ASB13: variants seen among roughly 807,000 people sequenced by gnomAD.
ASB13 encodes ankyrin repeat and SOCS box containing 13.
In ASB13, 33 loss-of-function variants were observed where a neutral mutation model predicts 28.8. The ratio of observed to expected loss-of-function variants is 1.15; its 90% confidence interval spans 0.87 to 1.53. The LOEUF (loss-of-function observed/expected upper bound fraction) is 1.53, where lower values mean the gene tolerates loss of function less well. Ranked by LOEUF, ASB13 falls within the 40% of genes most tolerant of loss-of-function variation. The pLI is 0.00. For missense variants in ASB13, 414 were observed against 390.1 expected (o/e 1.06, Z -0.52); for synonymous variants, 182 against 172.9 (o/e 1.05, Z -0.41).
chr10:5,649,519 G>A lies in ASB13; in HGVS notation c.383-415C>T, dbSNP rs1366381445. Among the ~76,000 whole-genome samples, 5 of 150,354 alleles carry A rather than the reference G, an allele frequency of 3.3e-5. No homozygotes were observed. The highest frequency in any genetic ancestry group is 4.4e-5 in the Non-Finnish European group (3 of 67,612). The stretch of plus-strand genomic sequence containing the variant: ...CATCCTCCTGTGCACCACGGCAGCC[G>A]CCTCTCCTGCCTCTTTTTTTTTTTT... On this transcript the variant is annotated intron_variant, in intron 3 of 5. Coordinates refer to ENST00000357700, the MANE Select transcript of ASB13 (RefSeq NM_024701.4). This position sits in a 1 kb window ranked among gnomAD's most constrained non-coding sequence, Gnocchi z 6.4.
Position 5,653,049 on chromosome 10 carries a change from AC to A in ASB13, c.44del (p.Gly15ValfsTer24). Reference protein sequence around the residue: ...AADGCFLGDVGFWVERTPVHE... With the variant: ...AADGCFLGDVXFWVERTPVHE... ...GCACAGGGGTCCGCTCCACCCAGAA[AC>A]CTGGAAAGGAAGGGGACCTCAGGCT... is the stretch of plus-strand genomic sequence containing the variant. On this transcript the variant is annotated frameshift_variant and splice_region_variant, in exon 2 of 6. Transcript: ENST00000357700. LOFTEE classifies it high-confidence loss of function. 1 of 1,539,836 alleles carries A rather than the reference AC, an allele frequency of 6.5e-7. No individual in the cohort carries two copies. Among genetic ancestry groups the A allele is most frequent in the Non-Finnish European group, 8.8e-7 (1 of 1,139,594 alleles).
rs1365682635 is a variant in ASB13 at position 5,661,395 on chromosome 10, AC to A, written c.43+5113del. Among the ~76,000 whole-genome samples the A allele has an allele frequency of 1.3e-5, 2 of 152,288 alleles. No homozygotes were observed. The highest frequency in any genetic ancestry group is 4.8e-5 in the African/African-American group (2 of 41,480). ...CCAACAAAGAGCATTCTCAAATGCC[AC>A]CAGGGACACCTTCCAGACAAAGCTG... On this transcript the variant is annotated intron_variant, in intron 1 of 5. Coordinates refer to ENST00000357700, the MANE Select transcript of ASB13 (RefSeq NM_024701.4). This position sits in a 1 kb window ranked among gnomAD's most constrained non-coding sequence, Gnocchi z 4.9.
rs1316970514 is a variant in ASB13, at chr10:5,663,981, A to G, written c.43+2528T>C. Among the ~76,000 whole-genome samples the G allele has an allele frequency of 3.3e-5, 5 of 152,164 alleles. No individual in the cohort carries two copies. The highest frequency in any genetic ancestry group is 7.4e-5 in the Non-Finnish European group (5 of 68,024). ...TCAGCAAAGATCTCACTCAACTGAG[A>G]GTACCTGGATGGGGAGACATAAATC... On this transcript the variant is annotated intron_variant, in intron 1 of 5. Coordinates refer to ENST00000357700, the MANE Select transcript of ASB13 (RefSeq NM_024701.4). The surrounding 1 kb of genome is among the most constrained non-coding windows in gnomAD (Gnocchi z 4.9).
Position 5,644,589 on chromosome 10 carries a change from G to A in ASB13, c.518-2628C>T, listed in dbSNP as rs573680896. Among the ~76,000 whole-genome samples, 8 of 152,216 alleles carry A rather than the reference G, an allele frequency of 5.3e-5. No homozygotes were observed. In the South Asian group the frequency reaches 8.3e-4, roughly 16 times the overall value. On this transcript the variant is annotated intron_variant, in intron 4 of 5. Transcript: ENST00000357700. This position sits in a 1 kb window ranked among gnomAD's most constrained non-coding sequence, Gnocchi z 5.1. The stretch of plus-strand genomic sequence containing the variant: ...TCCCAGCACTTTGAGAGCCTGAGGC[G>A]GGCAGATCACCTGAGGTCAGGAGTT...
At position 5,659,304 on chromosome 10, in the gene ASB13, C is replaced by A. The variant is rs1284076049; in HGVS notation, c.44-6254G>T. Reference sequence around the variant, plus strand: ...GCCCCTAAATCCCACCCACTGCTGCCACATAATAGGTTGCCCCCTCCCTAA... The same window carrying A: ...GCCCCTAAATCCCACCCACTGCTGCAACATAATAGGTTGCCCCCTCCCTAA... On this transcript the variant is annotated intron_variant, in intron 1 of 5. Transcript: ENST00000357700. This position sits in a 1 kb window ranked among gnomAD's most constrained non-coding sequence, Gnocchi z 5.8. 6.6e-6 allele frequency among the ~76,000 whole-genome samples: 1 copy of A among 152,178 alleles called. No homozygotes were observed. The highest frequency in any genetic ancestry group is 1.9e-4 in the East Asian group (1 of 5,184).
chr10:5,661,754 C>T lies in ASB13; in HGVS notation c.43+4755G>A, dbSNP rs1673495721. Among the ~76,000 whole-genome samples the T allele has an allele frequency of 6.6e-6, 1 of 152,174 alleles. No homozygotes were observed. Among genetic ancestry groups the T allele is most frequent in the African/African-American group, 2.4e-5 (1 of 41,432 alleles). Reference sequence around the variant, plus strand: ...GTTCAAGTGATCCTCCCGCCTTGGCCTCCCTAAGTGCTGGGATTACAGGCA... The same window carrying T: ...GTTCAAGTGATCCTCCCGCCTTGGCTTCCCTAAGTGCTGGGATTACAGGCA... On this transcript the variant is annotated intron_variant, in intron 1 of 5. Transcript: ENST00000357700. This position sits in a 1 kb window ranked among gnomAD's most constrained non-coding sequence, Gnocchi z 4.9.
chr10:5,652,887 C>G lies in ASB13; in HGVS notation c.207G>C (p.Gln69His), dbSNP rs1386516814. Residue 69 changes from glutamine to histidine, a missense_variant, in exon 2 of 6, where the codon CAG becomes CAC. Transcript: ENST00000357700. This position sits in a 1 kb window ranked among gnomAD's most constrained non-coding sequence, Gnocchi z 5.0. ...ASLQGQARCV[Q>H]LLLAAGAQVD... ...CCTGGGCCCCAGCCGCCAGCAGCAG[C>G]TGCACACACCGCGCCTGGCCCTGCA... 1.3e-6 allele frequency: 2 copies of G among 1,571,420 alleles called. No individual in the cohort carries two copies. Among genetic ancestry groups the G allele is most frequent in the Non-Finnish European group, 1.7e-6 (2 of 1,158,782 alleles).
In ASB13 at chr10:5,651,442, C is replaced by A. The variant is rs1834983396; in HGVS notation, c.232-79G>T. 3 of 1,432,994 alleles carry A rather than the reference C, an allele frequency of 2.1e-6. No individual in the cohort carries two copies. The highest frequency in any genetic ancestry group is 1.4e-5 in the African/African-American group (1 of 70,236). The allele number at this position is 1,432,994 out of a possible 1,614,324, so 88.8% of individuals were successfully genotyped here. ...CTTTCCCATCCTGCTGCAGGTTCAT[C>A]TTTGCTAAGATGCTTCTTAGAAGCA... On this transcript the variant is annotated intron_variant, in intron 2 of 5. Coordinates refer to ENST00000357700, the MANE Select transcript of ASB13 (RefSeq NM_024701.4). This position sits in a 1 kb window ranked among gnomAD's most constrained non-coding sequence, Gnocchi z 5.1.
In ASB13 at chr10:5,662,565, G is replaced by GAGAA. The variant is rs1835187755; in HGVS notation, c.43+3943_43+3944insTTCT. On this transcript the variant is annotated intron_variant, in intron 1 of 5. Transcript: ENST00000357700. ...GGAGGGGAGGGGAGGGGAGGGGAGG[G>GAGAA]GAGAAGAGAAGAGAAGAGAAGAGAA... is the stretch of plus-strand genomic sequence containing the variant. 4.8e-4 allele frequency among the ~76,000 whole-genome samples: 7 copies of GAGAA among 14,586 alleles called. 2 individuals carry two copies. The highest frequency in any genetic ancestry group is 1.5e-3 in the African/African-American group (4 of 2,612). 9.6% of individuals were successfully genotyped at this position (14,586 alleles called of 152,430 possible).
chr10:5,653,168 G>A (rs1227564458), intron 1 of ASB13, 118 bp from the exon 2 acceptor site: 1 of 1,077,720 alleles, frequency 9.3e-7, no homozygotes, highest in Admixed American at 2.8e-5. Flanking sequence ...TCATGCAATT[G>A]TCCCAGCACT....
At position 5,663,476 on chromosome 10, in the gene ASB13, G is replaced by A. The variant is rs1237616749; in HGVS notation, c.43+3033C>T. On this transcript the variant is annotated intron_variant, in intron 1 of 5. Coordinates refer to ENST00000357700, the MANE Select transcript of ASB13 (RefSeq NM_024701.4). This position sits in a 1 kb window ranked among gnomAD's most constrained non-coding sequence, Gnocchi z 4.9. ...AAAGGCTATGGCCCAGGGAGCATGG[G>A]GAGGGTCCCCCAGTCCCACCCTCAA... is the stretch of plus-strand genomic sequence containing the variant. Among the ~76,000 whole-genome samples, 1 of 152,152 alleles carries A rather than the reference G, an allele frequency of 6.6e-6. No homozygotes were observed. Among genetic ancestry groups the A allele is most frequent in the African/African-American group, 2.4e-5 (1 of 41,460 alleles).
rs11256695 is a variant in ASB13 at position 5,645,080 on chromosome 10, A to G, written c.518-3119T>C. Among the ~76,000 whole-genome samples, 5,730 of 152,132 alleles carry G rather than the reference A, an allele frequency of 0.038. 134 individuals carry two copies. The highest frequency in any genetic ancestry group is 0.046 in the Non-Finnish European group (3,128 of 67,988). ...GGGGTCAACACAGGCTCATTACCAA[A>G]ATCCTGCTTTCAACACAAAATAGGA... is the stretch of plus-strand genomic sequence containing the variant. On this transcript the variant is annotated intron_variant, in intron 4 of 5. Coordinates refer to ENST00000357700, the MANE Select transcript of ASB13 (RefSeq NM_024701.4). The surrounding 1 kb of genome is among the most constrained non-coding windows in gnomAD (Gnocchi z 5.4).
Position 5,651,983 on chromosome 10 carries a change from CAGAG to C in ASB13, c.232-624_232-621del, listed in dbSNP as rs1291002067. The stretch of plus-strand genomic sequence containing the variant: ...CGCCACTGCATTCCAGCCTAGGCGA[CAGAG>C]AAAGACCTTATCTCAAAAAAAAAAA... On this transcript the variant is annotated intron_variant, in intron 2 of 5. Coordinates refer to ENST00000357700, the MANE Select transcript of ASB13 (RefSeq NM_024701.4). This position sits in a 1 kb window ranked among gnomAD's most constrained non-coding sequence, Gnocchi z 5.1. Among the ~76,000 whole-genome samples the C allele has an allele frequency of 8.3e-6, 1 of 120,112 alleles. No homozygotes were observed. The highest frequency in any genetic ancestry group is 1.6e-5 in the Non-Finnish European group (1 of 61,284). 78.8% of individuals were successfully genotyped at this position (120,112 alleles called of 152,430 possible).
rs542793205 is a variant in ASB13, at chr10:5,656,828, T to A, written c.44-3778A>T. Among the ~76,000 whole-genome samples the A allele has an allele frequency of 3.9e-5, 6 of 152,336 alleles. No homozygotes were observed. In the South Asian group the frequency reaches 1.2e-3, roughly 32 times the overall value. ...ACTGGTGCCCAGATGTCACTGGTCC[T>A]TGGTTACCTCTTGATCCCAACAGCC... On this transcript the variant is annotated intron_variant, in intron 1 of 5. Transcript: ENST00000357700. The surrounding 1 kb of genome is among the most constrained non-coding windows in gnomAD (Gnocchi z 4.3).
rs1835053624 is a variant in ASB13, at chr10:5,655,248, T to C, written c.44-2198A>G. Reference sequence around the variant, plus strand: ...TGGGCACTGAGTACAGGGTTAAGAGTTCCCTGGAGCCACAACTGCTCAGAA... The same window carrying C: ...TGGGCACTGAGTACAGGGTTAAGAGCTCCCTGGAGCCACAACTGCTCAGAA... On this transcript the variant is annotated intron_variant, in intron 1 of 5. Coordinates refer to ENST00000357700, the MANE Select transcript of ASB13 (RefSeq NM_024701.4). The surrounding 1 kb of genome is among the most constrained non-coding windows in gnomAD (Gnocchi z 6.2). Among the ~76,000 whole-genome samples, 1 of 152,010 alleles carries C rather than the reference T, an allele frequency of 6.6e-6. No homozygotes were observed.
Position 5,641,687 on chromosome 10 carries a change from G to GCGGAAGCC in ASB13, c.709+75_709+82dup. 1 of 1,425,064 alleles carries GCGGAAGCC rather than the reference G, an allele frequency of 7.0e-7. No individual in the cohort carries two copies. The highest frequency in any genetic ancestry group is 9.5e-7 in the Non-Finnish European group (1 of 1,054,856). 88.3% of individuals were successfully genotyped at this position (1,425,064 alleles called of 1,614,324 possible). ...GCCAGGACTAACAGCCCAGCTCTCC[G>GCGGAAGCC]CGGAAGCCCACAGGGAGCCGGCACG... On this transcript the variant is annotated intron_variant, in intron 5 of 5. Transcript: ENST00000357700. The surrounding 1 kb of genome is among the most constrained non-coding windows in gnomAD (Gnocchi z 8.4).
rs765155200 is a variant in ASB13 at position 5,651,315 on chromosome 10, C to T, written c.280G>A (p.Ala94Thr). Residue 94 changes from alanine to threonine, a missense_variant, in exon 3 of 6, where the codon GCC becomes ACC. Ala to Thr is a moderately conservative substitution (Grantham distance 58). Coordinates refer to ENST00000357700, the MANE Select transcript of ASB13 (RefSeq NM_024701.4). This position sits in a 1 kb window ranked among gnomAD's most constrained non-coding sequence, Gnocchi z 5.1. ...DGSTPLCDAC[A>T]SGSIECVKLL... ...TTCACACACTCGATGCTGCCCGAGG[C>T]GCAGGCATCGCAGAGCGGGGTGCTG... 61 of 1,613,550 alleles carry T rather than the reference C, an allele frequency of 3.8e-5. No homozygotes were observed. The highest frequency in any genetic ancestry group is 5.5e-5 in the South Asian group (5 of 91,022).
At position 5,651,116 on chromosome 10, in the gene ASB13, T is replaced by A; in HGVS notation, c.382+97A>T. The stretch of plus-strand genomic sequence containing the variant: ...CCTTCACCAGCCAAGGGCTCCCAAT[T>A]CTGTCTACTCTGCTTCCTTCCCTAA... On this transcript the variant is annotated intron_variant, in intron 3 of 5. Coordinates refer to ENST00000357700, the MANE Select transcript of ASB13 (RefSeq NM_024701.4). The surrounding 1 kb of genome is among the most constrained non-coding windows in gnomAD (Gnocchi z 5.1). The A allele has an allele frequency of 6.9e-7, 1 of 1,438,894 alleles. No individual in the cohort carries two copies. Among genetic ancestry groups the A allele is most frequent in the African/African-American group, 1.4e-5 (1 of 69,432 alleles). 89.1% of individuals were successfully genotyped at this position (1,438,894 alleles called of 1,614,324 possible). A position where few individuals can be genotyped will look rare whatever the true frequency, so the allele number is the denominator to read the frequency against.
chr10:5,655,298 C>A lies in ASB13; in HGVS notation c.44-2248G>T, dbSNP rs1342308215. Among the ~76,000 whole-genome samples the A allele has an allele frequency of 6.6e-6, 1 of 152,114 alleles. No homozygotes were observed. The highest frequency in any genetic ancestry group is 2.4e-5 in the African/African-American group (1 of 41,406). On this transcript the variant is annotated intron_variant, in intron 1 of 5. Transcript: ENST00000357700. This position sits in a 1 kb window ranked among gnomAD's most constrained non-coding sequence, Gnocchi z 6.2. ...ACTGCTTGGTGGAAACTCAGCTCAGCCTTTTATCAGCTTACCCAAAACACA... is the reference window on the plus strand; with the variant it reads ...ACTGCTTGGTGGAAACTCAGCTCAGACTTTTATCAGCTTACCCAAAACACA...
Sources: allele counts gnomAD v4.1 joint callset (sites outside exome capture counted in the v4.1 genomes callset), GRCh38; gene constraint gnomAD v4.1.1; non-coding constraint Gnocchi (gnomAD v3.1); transcripts MANE v1.5; gene names NCBI Gene and HGNC (gene_info 2026-07-23, HGNC 2026-07-21).